The following POLI variants were observed in gnomAD, a reference collection of about 807,000 sequenced individuals.
POLI encodes DNA polymerase iota.
Under a neutral mutation model 51.6 loss-of-function variants are expected in POLI, and 58 were observed. That is an observed-to-expected ratio of 1.12 (90% confidence interval 0.91 to 1.40). The LOEUF (loss-of-function observed/expected upper bound fraction) is 1.40, where lower values mean the gene tolerates loss of function less well. Ranked by LOEUF, POLI falls within the 40% of genes most tolerant of loss-of-function variation. The pLI, the probability that POLI is intolerant of heterozygous loss-of-function variation, is 0.00. For synonymous variants in POLI, 322 were observed against 299.7 expected (o/e 1.07, Z -0.77); for missense variants, 921 against 871.3 (o/e 1.06, Z -0.72).
Position 54,294,825 on chromosome 18 carries a change from T to A in POLI, c.*358T>A. 1.0e-6 allele frequency: 1 copy of A among 988,614 alleles called. No homozygotes were observed. The highest frequency in any genetic ancestry group is 1.1e-4 in the East Asian group (1 of 9,108). The allele number at this position is 988,614 out of a possible 1,614,324, so 61.2% of individuals were successfully genotyped here. ...TATGGTAAAGGACACATTTTTTTTT[T>A]TTTTTTCCTGTGAAATGTGGAATAT... On this transcript the variant is annotated 3_prime_UTR_variant, in exon 10 of 10. Coordinates refer to ENST00000579534, the MANE Select transcript of POLI (RefSeq NM_007195.3).
intron 3 of POLI, among the ~76,000 whole-genome samples, chr18:54,310,384 A>AT (rs2088654487): frequency 6.6e-6 from 1 of 152,004 alleles, no homozygotes; most frequent in South Asian, 2.1e-4. Flanking sequence ...AGATTTAATC[A>AT]TTTTTTGTTT....
At chr18:54,276,901 A>G (rs747215470) in intron 3 of POLI, among the ~76,000 whole-genome samples, 3 of 152,262 alleles carry the variant, frequency 2.0e-5, no homozygotes. Flanking sequence ...ATTTTTGTAT[A>G]CTAAGAGACT....
chr18:54,277,813 C>A lies in POLI; in HGVS notation c.517C>A (p.Leu173Ile). The A allele has an allele frequency of 2.5e-6, 4 of 1,612,994 alleles. No homozygotes were observed. The highest frequency in any genetic ancestry group is 3.4e-6 in the Non-Finnish European group (4 of 1,179,290). ...KRLQQLQSDE[L>I]SAVTVSGHVY... is the part of the protein sequence containing the mutation. ...ACTACAGCAGCTGCAAAGTGATGAA[C>A]TTTCTGCGGTGACTGTGTCGGGTCA... Residue 173 changes from leucine (L) to isoleucine (I), a missense_variant, in exon 4 of 10, where the codon CTT becomes ATT. Leu to Ile is a conservative substitution (Grantham distance 5). Transcript: ENST00000579534.
At chr18:54,281,050 G>A (rs1369425202) in intron 5 of POLI, 147 bp downstream of exon 5, 3 of 478,214 alleles carry the variant, frequency 6.3e-6, no homozygotes, top group South Asian at 4.5e-5. Flanking sequence ...TTGGTTCCTG[G>A]AAAAAACTAA....
chr18:54,290,083 A>T (rs934029194), intron 8 of POLI, among the ~76,000 whole-genome samples: 15 of 152,234 alleles, frequency 9.9e-5, no homozygotes, highest in Non-Finnish European at 1.9e-4. Context: ...TACCCATCTG[A>T]CAAAGGGCTA....
At chr18:54,283,717 A>G (rs2087618081) in intron 6 of POLI, 1 of 324,592 alleles carries the variant, frequency 3.1e-6, no homozygotes, top group East Asian at 5.1e-5. Context: ...CTGTTAATAC[A>G]GTAATATTTT....
intron 9 of POLI, among the ~76,000 whole-genome samples, chr18:54,293,331 C>T (rs1002611973): frequency 6.6e-6 from 1 of 151,694 alleles, no homozygotes; most frequent in African/African-American, 2.4e-5. Context: ...CTTTTCTAGG[C>T]CGCCATTCTT....
intron 3 of POLI, among the ~76,000 whole-genome samples, chr18:54,307,151 T>G (rs1018953440): frequency 2.0e-5 from 3 of 152,210 alleles, no homozygotes; most frequent in African/African-American, 7.2e-5. Context: ...TTGTTTGCTC[T>G]TGCTTCTCTA....
At chr18:54,319,802 T>C (rs1476053602) in intron 3 of POLI, among the ~76,000 whole-genome samples, 1 of 152,200 alleles carries the variant, frequency 6.6e-6, no homozygotes, top group Non-Finnish European at 1.5e-5. Flanking sequence ...TTGTTTGCTA[T>C]TATTATTTAC....
At position 54,294,745 on chromosome 18, in the gene POLI, TTGG is replaced by T; in HGVS notation, c.*282_*284del. 9.8e-7 allele frequency: 1 copy of T among 1,024,212 alleles called. No individual in the cohort carries two copies. The highest frequency in any genetic ancestry group is 1.2e-6 in the Non-Finnish European group (1 of 848,690). 63.4% of individuals were successfully genotyped at this position (1,024,212 alleles called of 1,614,324 possible). ...GTCAACATAGAATATTTTTCATGAATTGGTGGGGAGATGTATATGTTTATATAT... is the reference window on the plus strand; with the variant it reads ...GTCAACATAGAATATTTTTCATGAATTGGGGAGATGTATATGTTTATATAT... On this transcript the variant is annotated 3_prime_UTR_variant, in exon 10 of 10. Transcript: ENST00000579534.
intron 1 of POLI, chr18:54,270,089 C>A (rs2086935255): frequency 1.0e-6 from 1 of 966,554 alleles, no homozygotes; most frequent in Non-Finnish European, 1.2e-6. Context: ...TAGGCGGAGT[C>A]AGGTCCGCTG....
At chr18:54,285,631 C>T (rs893592148) in intron 7 of POLI, among the ~76,000 whole-genome samples, 3 of 150,714 alleles carry the variant, frequency 2.0e-5, no homozygotes, top group Non-Finnish European at 3.0e-5. Flanking sequence ...AATGTAAAAC[C>T]GTATTATTTT....
intron 3 of POLI, chr18:54,311,170 T>C (rs1021784452): frequency 6.7e-6 from 6 of 896,268 alleles, no homozygotes; most frequent in Middle Eastern, 5.6e-4. Flanking sequence ...GAGAAGTTAC[T>C]GACAATTGTA....
chr18:54,269,785 A>G (rs1201621973), intron 1 of POLI, 124 bp downstream of exon 1: 1 of 1,382,564 alleles, frequency 7.2e-7, no homozygotes, highest in Non-Finnish European at 9.3e-7. Context: ...CTCCTCTAAG[A>G]GAGGGCTGCC....
chr18:54,287,937 G>C (rs1322060161), intron 8 of POLI, among the ~76,000 whole-genome samples: 1 of 152,202 alleles, frequency 6.6e-6, no homozygotes, highest in Admixed American at 6.5e-5. Context: ...TGTGATAACT[G>C]TATAGCATGA....
At position 54,311,599 on chromosome 18, in the gene POLI, A is replaced by G. The variant is rs529556653; in HGVS notation, c.334-8674A>G. ...ATGTTGACAGAAGAATATTTCATCT[A>G]TTTAGGCTTAGCCAGACTATAGTGT... is the stretch of plus-strand genomic sequence containing the variant. On this transcript the variant is annotated intron_variant, in intron 3 of 4. Coordinates refer to the POLI transcript ENST00000579823. Among the ~76,000 whole-genome samples, 17 of 152,332 alleles carry G rather than the reference A, an allele frequency of 1.1e-4. No individual in the cohort carries two copies. In the South Asian group the frequency reaches 2.5e-3, roughly 22 times the overall value.
In POLI at chr18:54,297,653, T is replaced by A; in HGVS notation, c.*3186T>A. ...ATCAGTTGGGTTTTCTATTTAATCA[T>A]ATATTTTCCCTTTACTGATTTGGAA... On this transcript the variant is annotated 3_prime_UTR_variant, in exon 10 of 10. Transcript: ENST00000579534. 1.0e-6 allele frequency: 1 copy of A among 979,132 alleles called. No individual in the cohort carries two copies. 60.7% of individuals were successfully genotyped at this position (979,132 alleles called of 1,614,324 possible).
rs2088233707 is a variant in POLI, at chr18:54,294,853, C to G, written c.*386C>G. 2.1e-6 allele frequency: 2 copies of G among 975,156 alleles called. No individual in the cohort carries two copies. Among genetic ancestry groups the G allele is most frequent in the Non-Finnish European group, 2.4e-6 (2 of 822,526 alleles). The allele number at this position is 975,156 out of a possible 1,614,324, so 60.4% of individuals were successfully genotyped here. On this transcript the variant is annotated 3_prime_UTR_variant, in exon 10 of 10. Transcript: ENST00000579534. ...TTTTCCTGTGAAATGTGGAATATCTCAAATTCAGCCTCTTAGGCTGAATAG... is the reference window on the plus strand; with the variant it reads ...TTTTCCTGTGAAATGTGGAATATCTGAAATTCAGCCTCTTAGGCTGAATAG...
chr18:54,319,221 A>G (rs1211207516), intron 3 of POLI, among the ~76,000 whole-genome samples: 1 of 152,136 alleles, frequency 6.6e-6, no homozygotes, highest in Non-Finnish European at 1.5e-5. Context: ...CTTGTGTGAG[A>G]TCAATAAACC....
Sources: allele counts gnomAD v4.1 joint callset (sites outside exome capture counted in the v4.1 genomes callset), GRCh38; gene constraint gnomAD v4.1.1; transcripts MANE v1.5; gene names NCBI Gene and HGNC (gene_info 2026-07-23, HGNC 2026-07-21).